The following TMC1 variants were observed in gnomAD, a reference collection of about 807,000 sequenced individuals.
TMC1 encodes transmembrane channel-like protein 1.
Under a neutral mutation model 105.8 loss-of-function variants are expected in TMC1, and 84 were observed. The ratio of observed to expected loss-of-function variants is 0.79; its 90% CI spans 0.67 to 0.95. The LOEUF is 0.95. Ranked by LOEUF, TMC1 falls within the 40% of genes least tolerant of loss-of-function variation. The pLI is 0.00. For missense variants in TMC1, 817 were observed against 914.1 expected (o/e 0.89, Z 1.37); for synonymous variants, 315 against 311.5 (o/e 1.01, Z -0.12).
At chr9:72,775,985 C>T (rs1040282392) in intron 13 of TMC1, among the ~76,000 whole-genome samples, 1 of 152,152 alleles carries the variant, frequency 6.6e-6, no homozygotes, top group Non-Finnish European at 1.5e-5. Flanking sequence ...AAGAATCTTC[C>T]CCTATGACCC....
intron 1 of TMC1, among the ~76,000 whole-genome samples, chr9:72,572,143 T>C (rs1824298175): frequency 6.6e-6 from 1 of 152,104 alleles, no homozygotes. Context: ...GCCAATTATT[T>C]ACTTTTTAAT....
chr9:72,580,516 C>T (rs1824457943), intron 2 of TMC1, among the ~76,000 whole-genome samples: 1 of 152,184 alleles, frequency 6.6e-6, no homozygotes, highest in African/African-American at 2.4e-5. Context: ...ATATTGAAGA[C>T]ACTAACTTCC....
At position 72,619,620 on chromosome 9, in the gene TMC1, AT is replaced by A. The variant is rs568413507; in HGVS notation, c.-196+3150del. Among the ~76,000 whole-genome samples the A allele has an allele frequency of 1.8e-3, 278 of 151,988 alleles. 2 individuals carry two copies. The highest frequency in any genetic ancestry group is 6.0e-3 in the African/African-American group (249 of 41,504). On this transcript the variant is annotated intron_variant, in intron 3 of 23. Transcript: ENST00000297784. ...CTACAGTTAGCATGTATAATTTTAT[AT>A]TTTTTTAATACAAAATATGTTATTT...
chr9:72,806,796 A>C (rs1160639787), intron 18 of TMC1, among the ~76,000 whole-genome samples: 2 of 151,502 alleles, frequency 1.3e-5, no homozygotes, highest in Non-Finnish European at 2.9e-5. Flanking sequence ...AGCCAGGCAG[A>C]GGGGCTCCTC....
In TMC1 at chr9:72,723,680, T is replaced by G. The variant is rs536708665; in HGVS notation, c.363-16439T>G. On this transcript the variant is annotated intron_variant, in intron 8 of 23. Coordinates refer to ENST00000297784, the MANE Select transcript of TMC1 (RefSeq NM_138691.3). ...GAAAAGCCAAATGTAAAAATTATTG[T>G]TTTTTTTCCTTGGGATTTGCATGTT... is the stretch of plus-strand genomic sequence containing the variant. Among the ~76,000 whole-genome samples the G allele has an allele frequency of 1.2e-3, 179 of 152,118 alleles. 4 individuals are homozygous for G. Among genetic ancestry groups the G allele is most frequent in the African/African-American group, 4.1e-3 (169 of 41,494 alleles).
At chr9:72,663,151 G>T (rs1825991907) in intron 5 of TMC1, among the ~76,000 whole-genome samples, 1 of 152,138 alleles carries the variant, frequency 6.6e-6, no homozygotes, top group Non-Finnish European at 1.5e-5. Context: ...CTGCTGATTG[G>T]TTGGAGATAC....
intron 8 of TMC1, among the ~76,000 whole-genome samples, chr9:72,712,937 A>G (rs895419432): frequency 2.6e-5 from 4 of 152,198 alleles, no homozygotes; most frequent in African/African-American, 7.2e-5. Flanking sequence ...TATTATTTTG[A>G]GATACATTCC....
intron 13 of TMC1, among the ~76,000 whole-genome samples, chr9:72,784,024 G>C (rs922980866): frequency 6.6e-6 from 1 of 152,062 alleles, no homozygotes; most frequent in Non-Finnish European, 1.5e-5. Context: ...CCTTCATTAA[G>C]AAGACTCCAA....
intron 1 of TMC1, among the ~76,000 whole-genome samples, chr9:72,522,632 C>T (rs185154984): frequency 5.9e-5 from 9 of 152,220 alleles, no homozygotes; most frequent in African/African-American, 2.2e-4. Flanking sequence ...CCACCTTTAC[C>T]TCTGGATATT....
intron 4 of TMC1, among the ~76,000 whole-genome samples, chr9:72,639,284 A>G (rs1236168325): frequency 6.6e-6 from 1 of 152,174 alleles, no homozygotes; most frequent in Non-Finnish European, 1.5e-5. Context: ...ATAAATTTCC[A>G]TAATGTATGG....
chr9:72,770,060 G>A (rs1827900404), intron 12 of TMC1, among the ~76,000 whole-genome samples: 1 of 152,082 alleles, frequency 6.6e-6, no homozygotes, highest in Admixed American at 6.6e-5. Context: ...CCTGGGAGCT[G>A]GGAGATCCTC....
chr9:72,636,574 G>T (rs1204301622), intron 4 of TMC1, among the ~76,000 whole-genome samples: 1 of 151,922 alleles, frequency 6.6e-6, no homozygotes, highest in Non-Finnish European at 1.5e-5. Context: ...TGGGTGTGGT[G>T]GTGGGAGCCT....
At chr9:72,763,650 G>A (rs1197281551) in intron 12 of TMC1, among the ~76,000 whole-genome samples, 2 of 152,174 alleles carry the variant, frequency 1.3e-5, no homozygotes, top group African/African-American at 4.8e-5. Context: ...GTGATGATAA[G>A]AGGTGGCCTT....
intron 19 of TMC1, chr9:72,817,255 G>T (rs889263612): frequency 6.6e-6 from 1 of 152,120 alleles, no homozygotes; most frequent in Non-Finnish European, 1.5e-5. Context: ...ATATGGAAAA[G>T]ATATTATAAA....
At chr9:72,721,217 G>A (rs2117946885) in intron 8 of TMC1, among the ~76,000 whole-genome samples, 1 of 152,092 alleles carries the variant, frequency 6.6e-6, no homozygotes, top group South Asian at 2.1e-4. Flanking sequence ...AAAAACAAAA[G>A]GTCTTTTATG....
chr9:72,817,522 C>T (rs574747943), intron 19 of TMC1, among the ~76,000 whole-genome samples: 41 of 152,282 alleles, frequency 2.7e-4, no homozygotes, highest in East Asian at 9.7e-4. Context: ...ATGGCTAACA[C>T]GGCTATGGGA....
At chr9:72,722,030 C>T (rs1827035642) in intron 8 of TMC1, among the ~76,000 whole-genome samples, 1 of 152,124 alleles carries the variant, frequency 6.6e-6, no homozygotes, top group African/African-American at 2.4e-5. Context: ...CTGATGATGA[C>T]CATGAGGTTT....
At chr9:72,738,442 A>C (rs1219469848) in intron 8 of TMC1, among the ~76,000 whole-genome samples, 1 of 151,984 alleles carries the variant, frequency 6.6e-6, no homozygotes, top group Non-Finnish European at 1.5e-5. Context: ...TTTGAAACAG[A>C]ATCTCACTCT....
chr9:72,759,656 G>T (rs1017644942), intron 12 of TMC1, among the ~76,000 whole-genome samples: 5 of 152,134 alleles, frequency 3.3e-5, no homozygotes, highest in African/African-American at 1.2e-4. Flanking sequence ...CTCTACATAG[G>T]CTACTAGGAG....
Sources: gnomAD v4.1 joint callset for allele counts (sites outside exome capture counted in the v4.1 genomes callset) on GRCh38, gnomAD v4.1.1 for gene constraint, MANE v1.5 for transcripts, NCBI Gene and HGNC (gene_info 2026-07-23, HGNC 2026-07-21) for gene names.